Variants in PRDM16 observed in about 807,000 individuals in gnomAD.
The protein encoded by PRDM16 is PR/SET domain 16.
In PRDM16, 23 loss-of-function variants were observed where a neutral mutation model predicts 110.6. The ratio of observed to expected loss-of-function variants is 0.21; its 90% confidence interval spans 0.15 to 0.29. The LOEUF is 0.29. PRDM16 is among the 10% of genes least tolerant of loss of function. The probability of loss-of-function intolerance (pLI) is 1.00; values close to 1 mark genes in which losing one functional copy is unlikely to be tolerated. For missense variants in PRDM16, 1,615 were observed against 1,794.3 expected, an observed-to-expected ratio of 0.90 and a Z score of 1.81; for synonymous variants, 799 against 781.8, an observed-to-expected ratio of 1.02 and a Z score of -0.37.
At chr1:3,388,934 C>T (rs903152515) in intron 4 of PRDM16, among the ~76,000 whole-genome samples, 14 of 152,212 alleles carry the variant, frequency 9.2e-5, no homozygotes, top group African/African-American at 3.4e-4. Flanking sequence ...TGTACTGGCG[C>T]TCTAGCTGAT....
intron 1 of PRDM16, among the ~76,000 whole-genome samples, chr1:3,163,553 C>T (rs1337872530): frequency 6.6e-6 from 1 of 152,188 alleles, no homozygotes; most frequent in African/African-American, 2.4e-5. Flanking sequence ...TAACCGGGTA[C>T]CCCAGCCTGA....
intron 3 of PRDM16, among the ~76,000 whole-genome samples, chr1:3,289,664 G>C (rs747185446): frequency 2.6e-5 from 4 of 152,202 alleles, no homozygotes; most frequent in Non-Finnish European, 4.4e-5. Flanking sequence ...TGGCAGAAGC[G>C]AGGATGGCCT....
At chr1:3,156,773 CAG>C (rs554164904) in intron 1 of PRDM16, among the ~76,000 whole-genome samples, 75 of 152,352 alleles carry the variant, frequency 4.9e-4, no homozygotes, top group African/African-American at 1.8e-3. Flanking sequence ...AGCTCAAAGC[CAG>C]AGTCCCAGGG....
intron 1 of PRDM16, among the ~76,000 whole-genome samples, chr1:3,178,737 G>A (rs2100774218): frequency 6.6e-6 from 1 of 152,154 alleles, no homozygotes; most frequent in South Asian, 2.1e-4. Flanking sequence ...GCTCCTTGAG[G>A]GCACCCCTCC....
At chr1:3,135,422 A>C (rs1477565302) in intron 1 of PRDM16, among the ~76,000 whole-genome samples, 2 of 152,206 alleles carry the variant, frequency 1.3e-5, no homozygotes, top group Admixed American at 1.3e-4. Flanking sequence ...TTCTTATCTG[A>C]GTTAAACAAT....
At position 3,301,613 on chromosome 1, in the gene PRDM16, A is replaced by G. The variant is rs1459611746; in HGVS notation, c.438+57476A>G. 3.9e-5 allele frequency among the ~76,000 whole-genome samples: 6 copies of G among 152,186 alleles called. No homozygotes were observed. The East Asian group carries it at 1.2e-3, about 29-fold the overall frequency. On this transcript the variant is annotated intron_variant, in intron 3 of 16. Transcript: ENST00000270722. Reference sequence around the variant, plus strand: ...CAAGGGCTCTGTAAGACCCAACTACAGACTGTGTCCAGGGCTCGAAAAACG... The same window carrying G: ...CAAGGGCTCTGTAAGACCCAACTACGGACTGTGTCCAGGGCTCGAAAAACG...
rs981939958 is a variant in PRDM16 at position 3,148,069 on chromosome 1, T to C, written c.38-38056T>C. Among the ~76,000 whole-genome samples, 3 of 152,116 alleles carry C rather than the reference T, an allele frequency of 2.0e-5. No individual in the cohort carries two copies. Among genetic ancestry groups the C allele is most frequent in the Non-Finnish European group, 2.9e-5 (2 of 68,024 alleles). On this transcript the variant is annotated intron_variant, in intron 1 of 16. Coordinates refer to ENST00000270722, the MANE Select transcript of PRDM16 (RefSeq NM_022114.4). This position sits in a 1 kb window ranked among gnomAD's most constrained non-coding sequence, Gnocchi z 5.0. ...TGCATTCAGATTCAAGTTCGGCCTT[T>C]GGCGTCTTCTCTCGGGGGCCCTCTG... is the stretch of plus-strand genomic sequence containing the variant.
rs1254235866 is a variant in PRDM16, at chr1:3,370,556, C to T, written c.439-14596C>T. Among the ~76,000 whole-genome samples, 1 of 152,150 alleles carries T rather than the reference C, an allele frequency of 6.6e-6. No individual in the cohort carries two copies. The highest frequency in any genetic ancestry group is 1.9e-4 in the East Asian group (1 of 5,178). On this transcript the variant is annotated intron_variant, in intron 3 of 16. Coordinates refer to ENST00000270722, the MANE Select transcript of PRDM16 (RefSeq NM_022114.4). The surrounding 1 kb of genome is among the most constrained non-coding windows in gnomAD (Gnocchi z 4.8). ...CACCCACCAGAGGAGAGGAAGTGAC[C>T]TGCGACGTGATAGCCATGGCCCAGT... is the stretch of plus-strand genomic sequence containing the variant.
At chr1:3,247,935 A>G (rs766817991) in intron 3 of PRDM16, among the ~76,000 whole-genome samples, 1 of 152,300 alleles carries the variant, frequency 6.6e-6, no homozygotes, top group East Asian at 1.9e-4. Flanking sequence ...GCTCCTGGAG[A>G]GCAAACATCT....
chr1:3,132,835 C>A (rs1016199626), intron 1 of PRDM16: 1 of 152,264 alleles, frequency 6.6e-6, no homozygotes, highest in Non-Finnish European at 1.5e-5. Flanking sequence ...AAAAAGCCCT[C>A]GTCAGGGTGG....
At chr1:3,305,919 C>T (rs1641302980) in intron 3 of PRDM16, among the ~76,000 whole-genome samples, 1 of 152,234 alleles carries the variant, frequency 6.6e-6, no homozygotes, top group African/African-American at 2.4e-5. Context: ...GCCACCTATG[C>T]CAGGCACTGG....
intron 2 of PRDM16, among the ~76,000 whole-genome samples, chr1:3,197,155 C>T (rs987845077): frequency 3.3e-5 from 5 of 152,192 alleles, no homozygotes; most frequent in African/African-American, 1.2e-4. Context: ...CCCCTTGGGA[C>T]ATCACCATCT....
chr1:3,377,907 C>T (rs1643023004), intron 3 of PRDM16, among the ~76,000 whole-genome samples: 1 of 152,206 alleles, frequency 6.6e-6, no homozygotes, highest in Admixed American at 6.5e-5. Context: ...CTGTACTGGC[C>T]TCCTATGTCA....
chr1:3,070,625 G>A (rs1410924508), intron 1 of PRDM16, among the ~76,000 whole-genome samples: 1 of 150,812 alleles, frequency 6.6e-6, no homozygotes, highest in Non-Finnish European at 1.5e-5. Flanking sequence ...CGCCTCCGGG[G>A]CCGGGTCCCT....
At chr1:3,084,167 A>G (rs559707690) in intron 1 of PRDM16, among the ~76,000 whole-genome samples, 50 of 151,862 alleles carry the variant, frequency 3.3e-4, no homozygotes, top group African/African-American at 1.2e-3. Flanking sequence ...CAGGCCTTTC[A>G]CTCCTCTCCT....
chr1:3,332,455 CTGGCCCCCCCTCGGTTCGGTT>C (rs1642061170), intron 3 of PRDM16, among the ~76,000 whole-genome samples: 1 of 152,070 alleles, frequency 6.6e-6, no homozygotes, highest in South Asian at 2.1e-4. Context: ...GGGGCGTGGC[CTGGCCCCCCCTCGGTTCGGTT>C]TGGTTTATTT....
chr1:3,149,039 C>T (rs185515875), intron 1 of PRDM16, among the ~76,000 whole-genome samples: 7 of 152,286 alleles, frequency 4.6e-5, no homozygotes, highest in South Asian at 2.1e-4. Context: ...CCCCAGCTCC[C>T]CACCACTCTT....
At chr1:3,165,643 G>A (rs1297848713) in intron 1 of PRDM16, among the ~76,000 whole-genome samples, 4 of 89,300 alleles carry the variant, frequency 4.5e-5, no homozygotes, top group Non-Finnish European at 9.2e-5. Context: ...CTGGGCTCAG[G>A]GACAGGGACT....
intron 3 of PRDM16, among the ~76,000 whole-genome samples, chr1:3,384,228 G>T (rs114310369): frequency 0.025 from 3,875 of 152,242 alleles, 130 homozygotes; most frequent in African/African-American, 0.087. Context: ...TTCTACTTTA[G>T]GGACCTGAGT....
Sources: gnomAD v4.1 joint callset for allele counts (sites outside exome capture counted in the v4.1 genomes callset) on GRCh38, gnomAD v4.1.1 for gene constraint, Gnocchi (gnomAD v3.1) non-coding constraint, MANE v1.5 for transcripts, NCBI Gene and HGNC (gene_info 2026-07-23, HGNC 2026-07-21) for gene names.